Variants in ZNF362 observed in about 807,000 individuals in gnomAD.
ZNF362 encodes the protein rotund homolog.
ZNF362 carries 11 observed loss-of-function variants against 42.9 expected under a neutral mutation model. The observed-to-expected ratio is 0.26, with a 90% CI of 0.16 to 0.42. The LOEUF is 0.42. Among genes scored for constraint, ZNF362 ranks in the 20% least tolerant of loss-of-function variants. The pLI is 1.00. For missense variants in ZNF362, 362 were observed against 576.2 expected (o/e 0.63, Z 3.81); for synonymous variants, 255 against 257.3 (o/e 0.99, Z 0.09).
chr1:33,206,731 A>G, the ZNF362 span, among the ~76,000 whole-genome samples: 6 of 152,206 alleles, frequency 3.9e-5, no homozygotes, highest in Admixed American at 1.3e-4. Flanking sequence ...AACTCTGAAA[A>G]CTCAATAATA....
intron 1 of ZNF362, among the ~76,000 whole-genome samples, chr1:33,258,069 G>A (rs997587640): frequency 1.3e-5 from 2 of 152,226 alleles, no homozygotes; most frequent in African/African-American, 4.8e-5. Context: ...GGAAGGGGCA[G>A]GAAAGGTAGT....
chr1:33,174,421 C>A, the ZNF362 span, among the ~76,000 whole-genome samples: 4 of 152,128 alleles, frequency 2.6e-5, no homozygotes, highest in Non-Finnish European at 5.9e-5. Context: ...TGGGCTCAAG[C>A]AATCCTCTTG....
At chr1:33,165,703 A>G in the ZNF362 span, 17 of 635,384 alleles carry the variant, frequency 2.7e-5, no homozygotes, top group Non-Finnish European at 4.1e-5. The surrounding 1 kb of genome is among the most constrained non-coding windows in gnomAD (Gnocchi z 4.0). Context: ...TCACAGTTCA[A>G]CCACCAGCAA....
At chr1:33,159,646 G>A in the ZNF362 span, 1 of 1,579,896 alleles carries the variant, frequency 6.3e-7, no homozygotes, top group South Asian at 1.1e-5. The surrounding 1 kb of genome is among the most constrained non-coding windows in gnomAD (Gnocchi z 4.2). Context: ...GGGTCGAGGA[G>A]GGGATGGTCA....
At chr1:33,289,926 C>T (rs1646063906) in intron 6 of ZNF362, among the ~76,000 whole-genome samples, 1 of 152,034 alleles carries the variant, frequency 6.6e-6, no homozygotes, top group South Asian at 2.1e-4. Context: ...GGAAGGCTGC[C>T]CTGATAAAGG....
chr1:33,128,089 C>T, the ZNF362 span, among the ~76,000 whole-genome samples: 7 of 151,354 alleles, frequency 4.6e-5, no homozygotes, highest in African/African-American at 9.7e-5. Context: ...TTAGGTTGGG[C>T]ACGGTAGCTC....
At chr1:33,250,079 CATTT>C in the ZNF362 span, among the ~76,000 whole-genome samples, 1 of 152,154 alleles carries the variant, frequency 6.6e-6, no homozygotes, top group Admixed American at 6.5e-5. Context: ...TTCATTCATT[CATTT>C]ATTCTCTTGG....
At chr1:33,239,972 GA>G in the ZNF362 span, among the ~76,000 whole-genome samples, 11 of 152,298 alleles carry the variant, frequency 7.2e-5, no homozygotes, top group East Asian at 2.1e-3. Context: ...CATGAATAAG[GA>G]AATAAAGTAG....
chr1:33,149,832 C>A, the ZNF362 span, among the ~76,000 whole-genome samples: 1 of 152,160 alleles, frequency 6.6e-6, no homozygotes, highest in African/African-American at 2.4e-5. Context: ...GCCCTATTTC[C>A]CCATTTGCAC....
the ZNF362 span, among the ~76,000 whole-genome samples, chr1:33,223,054 C>T: frequency 6.6e-6 from 1 of 151,990 alleles, no homozygotes; most frequent in East Asian, 1.9e-4. Context: ...AGATCAAGAC[C>T]ATCCTGGACA....
chr1:33,145,548 C>T, the ZNF362 span: 1 of 172,476 alleles, frequency 5.8e-6, no homozygotes, highest in East Asian at 1.7e-4. Context: ...CAAGGGAGGC[C>T]CGGGTGGCGG....
chr1:33,280,172 G>A lies in ZNF362; in HGVS notation c.398G>A (p.Ser133Asn). The A allele has an allele frequency of 6.2e-7, 1 of 1,609,726 alleles. No individual in the cohort carries two copies. Among genetic ancestry groups the A allele is most frequent in the South Asian group, 1.1e-5 (1 of 90,302 alleles). ...RTPSVSTSES[S>N]AGAGTGTGTS... ...CCGTCTGTGAGCACTTCTGAGTCAA[G>A]CGCGGGCGCGGGCACGGGCACGGGT... is the stretch of plus-strand genomic sequence containing the variant. Residue 133 changes from serine (S) to asparagine (N), a missense_variant, in exon 5 of 9, where the codon AGC (serine) becomes AAC (asparagine). This residue lies in a region of ZNF362 where 266 missense variants were observed against 365.4 expected (regional missense o/e 0.73). Transcript: ENST00000539719. This position sits in a 1 kb window ranked among gnomAD's most constrained non-coding sequence, Gnocchi z 5.6.
Position 33,280,484 on chromosome 1 carries a change from G to A in ZNF362, c.683+27G>A, listed in dbSNP as rs776305063. On this transcript the variant is annotated intron_variant, in intron 5 of 8. Transcript: ENST00000539719. The surrounding 1 kb of genome is among the most constrained non-coding windows in gnomAD (Gnocchi z 5.6). ...TGGGGGTCTTGGCGGGATGGGGTCC[G>A]AGTGGGCTTGGGGCTGGGGCTTGAG... 1.3e-6 allele frequency: 2 copies of A among 1,523,768 alleles called. No homozygotes were observed. Among genetic ancestry groups the A allele is most frequent in the South Asian group, 1.3e-5 (1 of 79,006 alleles). The allele number at this position is 1,523,768 out of a possible 1,614,324, so 94.4% of individuals were successfully genotyped here. A position where few individuals can be genotyped will look rare whatever the true frequency, so the allele number is the denominator to read the frequency against.
intron 8 of ZNF362, among the ~76,000 whole-genome samples, chr1:33,296,449 G>T (rs575853368): frequency 5.9e-5 from 9 of 152,234 alleles, no homozygotes; most frequent in African/African-American, 2.2e-4. Flanking sequence ...TGCCACTCCT[G>T]GGTTCTCATC....
chr1:33,255,095 C>A (rs950113534), upstream of ZNF362, among the ~76,000 whole-genome samples: 1 of 152,210 alleles, frequency 6.6e-6, no homozygotes, highest in Admixed American at 6.5e-5. Flanking sequence ...TTCTTGTGCC[C>A]CTGCTCTGTG....
At chr1:33,231,889 A>T in the ZNF362 span, among the ~76,000 whole-genome samples, 210 of 152,268 alleles carry the variant, frequency 1.4e-3, 6 homozygotes, top group African/African-American at 4.4e-3. Flanking sequence ...CAAGGGCTAT[A>T]GAAGGTTGCT....
At chr1:33,159,865 G>T in the ZNF362 span, 1 of 1,612,916 alleles carries the variant, frequency 6.2e-7, no homozygotes, top group Non-Finnish European at 8.5e-7. This position sits in a 1 kb window ranked among gnomAD's most constrained non-coding sequence, Gnocchi z 4.2. Context: ...CTCTAGCATG[G>T]CCTTCTGGCG....
At chr1:33,164,893 C>G in the ZNF362 span, 1 of 152,148 alleles carries the variant, frequency 6.6e-6, no homozygotes, top group African/African-American at 2.4e-5. Context: ...ATCTTCCCAT[C>G]TGTCTCAGTC....
chr1:33,246,897 C>A, the ZNF362 span, among the ~76,000 whole-genome samples: 1 of 152,156 alleles, frequency 6.6e-6, no homozygotes, highest in South Asian at 2.1e-4. Context: ...AGGGTAGATG[C>A]CTGTAGGTGG....
Sources: allele counts gnomAD v4.1 joint callset (sites outside exome capture counted in the v4.1 genomes callset), GRCh38; gene constraint gnomAD v4.1.1; regional missense constraint gnomAD v4.1.1; non-coding constraint Gnocchi (gnomAD v3.1); transcripts MANE v1.5; gene names NCBI Gene and HGNC (gene_info 2026-07-23, HGNC 2026-07-21).